The following EPHA3 variants were observed in gnomAD, a reference collection of about 807,000 sequenced individuals.
EPHA3 encodes ephrin type-A receptor 3.
Under a neutral mutation model 107.1 loss-of-function variants are expected in EPHA3, and 42 were observed. That is an observed-to-expected ratio of 0.39 (90% CI 0.31 to 0.51). EPHA3 has a LOEUF of 0.51. EPHA3 is among the 20% of genes least tolerant of loss of function. EPHA3 has a pLI of 0.78. For missense variants in EPHA3, 1,183 were observed against 1,211.2 expected, an observed-to-expected ratio of 0.98 and a Z score of 0.35; for synonymous variants, 461 against 424.8, an observed-to-expected ratio of 1.09 and a Z score of -1.05.
At position 89,165,929 on chromosome 3, in the gene EPHA3, C is replaced by T. The variant is rs149575498; in HGVS notation, c.153+38656C>T. On this transcript the variant is annotated intron_variant, in intron 2 of 16. Transcript: ENST00000336596. ...GAACACTTTTCCCTGGCTCTTCAAG[C>T]GCCGTTCACCCTATGGTTTGTTTTA... Among the ~76,000 whole-genome samples, 1,307 of 152,274 alleles carry T rather than the reference C, an allele frequency of 8.6e-3. 9 individuals are homozygous for T. The highest frequency in any genetic ancestry group is 0.027 in the East Asian group (138 of 5,168).
intron 2 of EPHA3, among the ~76,000 whole-genome samples, chr3:89,193,926 G>A (rs1559594213): frequency 6.6e-6 from 1 of 151,970 alleles, no homozygotes; most frequent in Middle Eastern, 3.4e-3. Context: ...TGTCCAAGTG[G>A]CTATTTATGG....
chr3:89,356,792 C>T (rs1317889866), intron 5 of EPHA3, among the ~76,000 whole-genome samples: 1 of 150,518 alleles, frequency 6.6e-6, no homozygotes, highest in African/African-American at 2.4e-5. Context: ...CTTAGTTGGG[C>T]TAGAACAAGA....
chr3:89,179,130 G>T (rs1705382424), intron 2 of EPHA3, among the ~76,000 whole-genome samples: 1 of 151,758 alleles, frequency 6.6e-6, no homozygotes, highest in Non-Finnish European at 1.5e-5. Context: ...TGTGTTTCTT[G>T]CAATGTTGAA....
intron 3 of EPHA3, among the ~76,000 whole-genome samples, chr3:89,255,778 G>A (rs1260693116): frequency 6.6e-6 from 1 of 152,102 alleles, no homozygotes; most frequent in African/African-American, 2.4e-5. Context: ...GCACATCCCT[G>A]TAGTCCCAGC....
intron 3 of EPHA3, among the ~76,000 whole-genome samples, chr3:89,215,684 C>G (rs1416017532): frequency 2.6e-5 from 4 of 151,778 alleles, no homozygotes; most frequent in Non-Finnish European, 1.5e-5. Context: ...ACAAGAAGTT[C>G]CATAAATGTT....
intron 2 of EPHA3, among the ~76,000 whole-genome samples, chr3:89,162,675 G>T (rs563441803): frequency 2.6e-5 from 4 of 152,224 alleles, no homozygotes; most frequent in Non-Finnish European, 4.4e-5. Context: ...GACAGAAGGT[G>T]AAGTGAAGCT....
At chr3:89,133,811 C>T (rs138523107) in intron 2 of EPHA3, among the ~76,000 whole-genome samples, 90 of 152,222 alleles carry the variant, frequency 5.9e-4, no homozygotes, top group African/African-American at 2.1e-3. Flanking sequence ...CAGAAAACTG[C>T]AGTGGATCAG....
intron 2 of EPHA3, among the ~76,000 whole-genome samples, chr3:89,165,081 G>A (rs1705033687): frequency 6.6e-6 from 1 of 152,144 alleles, no homozygotes; most frequent in African/African-American, 2.4e-5. Context: ...ATCAGTGAGG[G>A]ATTAGGAACA....
intron 2 of EPHA3, among the ~76,000 whole-genome samples, chr3:89,172,720 T>C (rs560065081): frequency 6.6e-6 from 1 of 152,304 alleles, no homozygotes; most frequent in African/African-American, 2.4e-5. Flanking sequence ...AAATGTGTGA[T>C]CATTAATACT....
chr3:89,145,144 A>G (rs749223363), intron 2 of EPHA3, among the ~76,000 whole-genome samples: 1 of 151,618 alleles, frequency 6.6e-6, no homozygotes, highest in Non-Finnish European at 1.5e-5. Flanking sequence ...ACAGGGATTA[A>G]AAAGTTGATA....
chr3:89,408,202 G>GT, intron 9 of EPHA3, 71 bp downstream of exon 9: 1 of 1,433,924 alleles, frequency 7.0e-7, no homozygotes, highest in Non-Finnish European at 9.8e-7. Context: ...TTTACAATTG[G>GT]TTAACTTCCT....
At chr3:89,478,544 G>C (rs915769348) in intron 16 of EPHA3, among the ~76,000 whole-genome samples, 7 of 152,120 alleles carry the variant, frequency 4.6e-5, no homozygotes, top group African/African-American at 1.7e-4. Context: ...GTCTCACCTG[G>C]GATTGTAGGC....
chr3:89,124,333 G>A (rs1346398494), intron 1 of EPHA3, among the ~76,000 whole-genome samples: 12 of 152,070 alleles, frequency 7.9e-5, no homozygotes, highest in Non-Finnish European at 1.8e-4. Context: ...TCCATTCATT[G>A]TCTTTTCTTA....
chr3:89,350,208 G>T (rs1707776245), intron 5 of EPHA3, among the ~76,000 whole-genome samples: 1 of 150,970 alleles, frequency 6.6e-6, no homozygotes, highest in Non-Finnish European at 1.5e-5. Context: ...ATCCTGCAGA[G>T]TGTTTTCCAA....
chr3:89,113,332 G>C (rs985100727), intron 1 of EPHA3, among the ~76,000 whole-genome samples: 1 of 151,700 alleles, frequency 6.6e-6, no homozygotes, highest in Non-Finnish European at 1.5e-5. Flanking sequence ...GTGTGTTCGG[G>C]GTGTGGATAC....
Position 89,407,317 on chromosome 3 carries a change from C to T in EPHA3, c.1643C>T (p.Ser548Leu), listed in dbSNP as rs1386464909. ...AGCCAAGTGGTCATGATCGCCATTT[C>T]AGCGGCAGTAGCAATTATTCTCCTC... ...ESSQVVMIAI[S>L]AAVAIILLTV... Residue 548 changes from serine (S) to leucine (L), a missense_variant, in exon 8 of 17, where the codon TCA (serine) becomes TTA (leucine). Coordinates refer to ENST00000336596, the MANE Select transcript of EPHA3 (RefSeq NM_005233.6). The T allele has an allele frequency of 6.2e-7, 1 of 1,613,538 alleles. No individual in the cohort carries two copies. Among genetic ancestry groups the T allele is most frequent in the African/African-American group, 1.3e-5 (1 of 74,890 alleles).
At chr3:89,304,449 C>T (rs993595063) in intron 3 of EPHA3, among the ~76,000 whole-genome samples, 2 of 151,860 alleles carry the variant, frequency 1.3e-5, no homozygotes, top group African/African-American at 4.8e-5. Flanking sequence ...ACTCGTTACT[C>T]ACCCCATCAG....
chr3:89,468,022 G>A (rs1710322251), intron 15 of EPHA3, among the ~76,000 whole-genome samples: 3 of 152,078 alleles, frequency 2.0e-5, no homozygotes, highest in Admixed American at 6.5e-5. Context: ...CTGAAAAAAC[G>A]CCAATGCCTG....
In EPHA3 at chr3:89,167,067, C is replaced by T. The variant is rs147410199; in HGVS notation, c.153+39794C>T. 9.4e-3 allele frequency among the ~76,000 whole-genome samples: 1,435 copies of T among 152,200 alleles called. 6 individuals carry two copies. The highest frequency in any genetic ancestry group is 0.015 in the Non-Finnish European group (1,018 of 68,012). ...TCAGGAAAATGACAGTTTAGTGATACATATCCTCATGGTCTAAAAGTCAAT... is the reference window on the plus strand; with the variant it reads ...TCAGGAAAATGACAGTTTAGTGATATATATCCTCATGGTCTAAAAGTCAAT... On this transcript the variant is annotated intron_variant, in intron 2 of 16. Coordinates refer to ENST00000336596, the MANE Select transcript of EPHA3 (RefSeq NM_005233.6).
Sources: gnomAD v4.1 joint callset for allele counts (sites outside exome capture counted in the v4.1 genomes callset) on GRCh38, gnomAD v4.1.1 for gene constraint, MANE v1.5 for transcripts, NCBI Gene and HGNC (gene_info 2026-07-23, HGNC 2026-07-21) for gene names.